ANO2: variants seen among roughly 807,000 people sequenced by gnomAD.
ANO2 encodes anoctamin 2, also known as anoctamin-2.
Under a neutral mutation model 124.2 loss-of-function variants are expected in ANO2, and 101 were observed. The ratio of observed to expected loss-of-function variants is 0.81; its 90% CI spans 0.69 to 0.96. The LOEUF is 0.96. ANO2 is among the 40% of genes least tolerant of loss of function. The probability of loss-of-function intolerance (pLI) is 0.00; values close to 1 mark genes in which losing one functional copy is unlikely to be tolerated. For missense variants in ANO2, 1,293 were observed against 1,274.5 expected, an observed-to-expected ratio of 1.01 and a Z score of -0.22; for synonymous variants, 486 against 482.5, an observed-to-expected ratio of 1.01 and a Z score of -0.09.
intron 14 of ANO2, among the ~76,000 whole-genome samples, chr12:5,675,850 C>G (rs1343400864): frequency 1.3e-5 from 2 of 152,216 alleles, no homozygotes; most frequent in Non-Finnish European, 2.9e-5. Flanking sequence ...TTGCCCCAGT[C>G]TCAGGGCCAC....
At chr12:5,641,223 A>AG (rs912397614) in intron 15 of ANO2, among the ~76,000 whole-genome samples, 1 of 60,750 alleles carries the variant, frequency 1.6e-5, no homozygotes, top group African/African-American at 5.7e-5. Flanking sequence ...GGGGCCTGTC[A>AG]GGGGGTGGGG....
At chr12:5,663,449 G>A (rs1947543955) in intron 14 of ANO2, among the ~76,000 whole-genome samples, 1 of 152,154 alleles carries the variant, frequency 6.6e-6, no homozygotes, top group South Asian at 2.1e-4. Context: ...CTGTGTGCAG[G>A]GGACTGCTGA....
chr12:5,781,179 C>A (rs1344406741), intron 10 of ANO2, among the ~76,000 whole-genome samples: 2 of 152,168 alleles, frequency 1.3e-5, no homozygotes, highest in African/African-American at 2.4e-5. Context: ...AATTAGCATG[C>A]AAAGTGTCAA....
At chr12:5,599,673 AGGGTT>A in intron 19 of ANO2, 44 bp from the exon 20 acceptor site, 1 of 1,600,978 alleles carries the variant, frequency 6.2e-7, no homozygotes, top group Non-Finnish European at 8.5e-7. Context: ...TCTGGAGAAC[AGGGTT>A]GGTTTTGCAG....
intron 10 of ANO2, among the ~76,000 whole-genome samples, chr12:5,792,832 T>G (rs1475186625): frequency 6.6e-6 from 1 of 152,182 alleles, no homozygotes; most frequent in Admixed American, 6.5e-5. Flanking sequence ...TCAAGCTCCT[T>G]GAGAGTGGGG....
chr12:5,790,858 C>T (rs543880131), intron 10 of ANO2, among the ~76,000 whole-genome samples: 4 of 152,226 alleles, frequency 2.6e-5, no homozygotes, highest in East Asian at 1.9e-4. Flanking sequence ...CTGACTCTTG[C>T]GCTGTTAACA....
chr12:5,674,387 G>A (rs1948138159), intron 14 of ANO2, among the ~76,000 whole-genome samples: 2 of 151,742 alleles, frequency 1.3e-5, no homozygotes, highest in South Asian at 4.2e-4. Context: ...TCTTCCTTAA[G>A]GAGCCAACAC....
intron 16 of ANO2, among the ~76,000 whole-genome samples, chr12:5,620,368 G>A (rs940265169): frequency 7.9e-5 from 12 of 152,314 alleles, no homozygotes; most frequent in Admixed American, 2.6e-4. Context: ...GCCCTGGGAA[G>A]GGACTTGAGA....
Position 5,945,187 on chromosome 12 carries a change from A to G in ANO2, c.22+9T>C. ...GGAGACCAGGACCAGGTCCAGCCGGAAAACTCACCGCGCGGCCCGGGAGTC... is the reference window on the plus strand; with the variant it reads ...GGAGACCAGGACCAGGTCCAGCCGGGAAACTCACCGCGCGGCCCGGGAGTC... On this transcript the variant is annotated intron_variant, in intron 1 of 24. Transcript: ENST00000682330. 1 of 1,288,690 alleles carries G rather than the reference A, an allele frequency of 7.8e-7. No homozygotes were observed. Among genetic ancestry groups the G allele is most frequent in the Non-Finnish European group, 1.0e-6 (1 of 988,226 alleles). 79.8% of individuals were successfully genotyped at this position (1,288,690 alleles called of 1,614,324 possible). A position where few individuals can be genotyped will look rare whatever the true frequency, so the allele number is the denominator to read the frequency against.
At chr12:5,720,441 C>T (rs1359612693) in intron 14 of ANO2, among the ~76,000 whole-genome samples, 5 of 152,154 alleles carry the variant, frequency 3.3e-5, no homozygotes, top group Non-Finnish European at 7.3e-5. Flanking sequence ...AGTGAAATAA[C>T]GACCTTGGCC....
chr12:5,754,927 T>G (rs34214696), intron 10 of ANO2, among the ~76,000 whole-genome samples: 16,923 of 152,078 alleles, frequency 0.11, 1,066 homozygotes, highest in African/African-American at 0.13. Context: ...CCCTAATCTA[T>G]ATTATTTCTT....
intron 19 of ANO2, chr12:5,609,182 T>C (rs796839001): frequency 1.3e-4 from 20 of 152,290 alleles, no homozygotes; most frequent in African/African-American, 4.8e-4. Context: ...CATCTAGCTT[T>C]GCTTGACTTT....
chr12:5,671,820 C>T (rs1948020014), intron 14 of ANO2, among the ~76,000 whole-genome samples: 2 of 152,204 alleles, frequency 1.3e-5, no homozygotes, highest in African/African-American at 4.8e-5. Flanking sequence ...AGTCTCTCCC[C>T]ATCCATTAAT....
At chr12:5,856,312 C>T (rs1170798674) in intron 3 of ANO2, 1 of 152,060 alleles carries the variant, frequency 6.6e-6, no homozygotes, top group Non-Finnish European at 1.5e-5. Flanking sequence ...TCTTTAGGGT[C>T]GTTGGCTCAA....
chr12:5,589,752 G>T (rs559339042), intron 20 of ANO2, among the ~76,000 whole-genome samples: 1 of 152,262 alleles, frequency 6.6e-6, no homozygotes, highest in South Asian at 2.1e-4. Flanking sequence ...TTGGATGCAC[G>T]CATGAGAAGG....
chr12:5,885,956 A>G (rs566418322), intron 3 of ANO2, among the ~76,000 whole-genome samples: 1 of 152,290 alleles, frequency 6.6e-6, no homozygotes, highest in African/African-American at 2.4e-5. Flanking sequence ...GGCATAGGAA[A>G]CCAGTGCTAA....
intron 10 of ANO2, among the ~76,000 whole-genome samples, chr12:5,782,307 T>A (rs1952423259): frequency 6.6e-6 from 1 of 152,242 alleles, no homozygotes; most frequent in Non-Finnish European, 1.5e-5. Flanking sequence ...TCAACCTTTT[T>A]AACATATCTG....
rs199872408 is a variant in ANO2, at chr12:5,563,313, G to C, written c.2983C>G (p.His995Asp). The change falls in exon 25 of 25, where the codon CAC (histidine) becomes GAC (aspartate). Residue 995 changes from histidine (H) to aspartate (D), a missense_variant. Transcript: ENST00000682330. ...GGCTGAACTGCTCACACATTGGTGT[G>C]CTGAGAGCCTGACGACATCATGCTG... is the stretch of plus-strand genomic sequence containing the variant. ...LGSMMSSGSQ[H>D]TNV 1 of 1,599,628 alleles carries C rather than the reference G, an allele frequency of 6.3e-7. No homozygotes were observed. Among genetic ancestry groups the C allele is most frequent in the South Asian group, 1.1e-5 (1 of 89,096 alleles).
At chr12:5,815,082 TA>T (rs1285407565) in intron 7 of ANO2, among the ~76,000 whole-genome samples, 1 of 152,184 alleles carries the variant, frequency 6.6e-6, no homozygotes, top group East Asian at 1.9e-4. Context: ...CTTATCTGGT[TA>T]TCTCAGCTCT....
Sources: gnomAD v4.1 joint callset for allele counts (sites outside exome capture counted in the v4.1 genomes callset) on GRCh38, gnomAD v4.1.1 for gene constraint, MANE v1.5 for transcripts, NCBI Gene and HGNC (gene_info 2026-07-23, HGNC 2026-07-21) for gene names.